The following TNS1 variants were observed in gnomAD, a reference collection of about 807,000 sequenced individuals.
TNS1 encodes tensin 1.
In TNS1, 62 loss-of-function variants were observed where a neutral mutation model predicts 168.6. The ratio of observed to expected loss-of-function variants is 0.37; its 90% confidence interval spans 0.30 to 0.45. The LOEUF (loss-of-function observed/expected upper bound fraction) is 0.45. Among genes scored for constraint, TNS1 ranks in the 20% least tolerant of loss-of-function variants. The probability of loss-of-function intolerance (pLI) is 1.00; values close to 1 mark genes in which losing one functional copy is unlikely to be tolerated. For synonymous variants in TNS1, 934 were observed against 933.2 expected (o/e 1.00, Z -0.02); for missense variants, 2,240 against 2,339.4 (o/e 0.96, Z 0.88).
Position 217,848,049 on chromosome 2 carries a change from C to G in TNS1, c.2468G>C (p.Arg823Pro). 6.5e-7 allele frequency: 1 copy of G among 1,528,606 alleles called. No homozygotes were observed. The allele number at this position is 1,528,606 out of a possible 1,614,324, so 94.7% of individuals were successfully genotyped here. Residue 823 changes from arginine to proline, a missense_variant, in exon 19 of 33, where the codon CGA becomes CCA. By Grantham distance (103) the Arg-to-Pro change is moderately radical. Transcript: ENST00000682258. ...TPIPSLPEFPRAASQQEIEQS... is the reference protein window; with the variant it reads ...TPIPSLPEFPPAASQQEIEQS... ...TTCAATCTCCTGCTGGGAGGCTGCT[C>G]GCGGGAACTCAGGGAGACTGGGGAT...
At chr2:218,014,917 A>AGGC (rs1958743577), upstream of TNS1, among the ~76,000 whole-genome samples, 1 of 76,590 alleles carries the variant, frequency 1.3e-5, no homozygotes. Flanking sequence ...GGAAGGAAGG[A>AGGC]AGGAAGGCAG....
intron 3 of TNS1, among the ~76,000 whole-genome samples, chr2:217,956,274 A>T (rs1212097728): frequency 6.6e-6 from 1 of 152,124 alleles, no homozygotes; most frequent in East Asian, 1.9e-4. Flanking sequence ...AAGTGCTGGG[A>T]CTACAGGCAT....
chr2:217,832,630 C>G (rs1403724847), intron 21 of TNS1, among the ~76,000 whole-genome samples: 1 of 152,206 alleles, frequency 6.6e-6, no homozygotes, highest in Non-Finnish European at 1.5e-5. Context: ...CTGCTTTCCC[C>G]AAAAGACAGT....
chr2:217,847,079 T>C (rs998724293), intron 19 of TNS1, among the ~76,000 whole-genome samples: 3 of 152,176 alleles, frequency 2.0e-5, no homozygotes, highest in African/African-American at 7.2e-5. Flanking sequence ...CGACAGGCAA[T>C]TGCAGAGTCT....
intron 3 of TNS1, among the ~76,000 whole-genome samples, chr2:217,947,647 G>A (rs942111708): frequency 1.3e-5 from 2 of 152,162 alleles, no homozygotes; most frequent in African/African-American, 4.8e-5. Flanking sequence ...GAAGAGAAGG[G>A]ACGCGACAGA....
chr2:217,855,959 A>C (rs934316148), intron 18 of TNS1, among the ~76,000 whole-genome samples: 1 of 152,142 alleles, frequency 6.6e-6, no homozygotes, highest in African/African-American at 2.4e-5. Flanking sequence ...GGCATCCCCT[A>C]CAGACCTCTC....
chr2:218,014,866 A>AGGAC (rs61462261), upstream of TNS1, among the ~76,000 whole-genome samples: 1 of 97,414 alleles, frequency 1.0e-5, no homozygotes, highest in Non-Finnish European at 2.2e-5. Context: ...GAGGGAAGGA[A>AGGAC]GGACGGAAGG....
rs1400400385 is a variant in TNS1, at chr2:217,810,317, G to C, written c.5035C>G (p.Pro1679Ala). The C allele has an allele frequency of 6.2e-7, 1 of 1,614,128 alleles. No individual in the cohort carries two copies. Among genetic ancestry groups the C allele is most frequent in the South Asian group, 1.1e-5 (1 of 91,070 alleles). ...GAGCTATCTTTCGATTCATCTGTGGGGTCTAAGACAAAAATTCAGTAGGAA... is the reference window on the plus strand; with the variant it reads ...GAGCTATCTTTCGATTCATCTGTGGCGTCTAAGACAAAAATTCAGTAGGAA... ...PCKLVIPNRD[P>A]TDESKDSSGP... The change falls in exon 29 of 33, where the codon CCC (proline) becomes GCC (alanine). Residue 1679 changes from proline to alanine, a missense_variant and splice_region_variant. This residue lies in a region of TNS1 where 2,131 missense variants were observed against 2,171.2 expected (regional missense o/e 0.98). Coordinates refer to ENST00000682258, the MANE Select transcript of TNS1 (RefSeq NM_001387777.1).
At chr2:217,996,623 C>T (rs1259018075) in intron 1 of TNS1, among the ~76,000 whole-genome samples, 3 of 152,104 alleles carry the variant, frequency 2.0e-5, no homozygotes, top group Non-Finnish European at 2.9e-5. Flanking sequence ...TAACCAGTTG[C>T]CAAATCCTGT....
chr2:217,933,042 C>T (rs1332327296), intron 3 of TNS1, among the ~76,000 whole-genome samples: 6 of 152,212 alleles, frequency 3.9e-5, no homozygotes, highest in East Asian at 3.9e-4. Context: ...GGCCGAGTGG[C>T]GGGAAGCCCC....
intron 4 of TNS1, among the ~76,000 whole-genome samples, chr2:217,917,619 G>A (rs906937391): frequency 1.3e-5 from 2 of 151,880 alleles, no homozygotes; most frequent in Admixed American, 1.3e-4. Context: ...ATCATTTGAG[G>A]TCAGGAGTTC....
intron 3 of TNS1, among the ~76,000 whole-genome samples, chr2:217,928,154 A>AAG (rs1291052528): frequency 1.3e-5 from 2 of 152,226 alleles, no homozygotes; most frequent in Non-Finnish European, 1.5e-5. Context: ...CTCAACAGAC[A>AAG]AGGAGCTGCA....
intron 1 of TNS1, among the ~76,000 whole-genome samples, chr2:218,027,068 G>T (rs1469857579): frequency 6.6e-6 from 1 of 151,694 alleles, no homozygotes; most frequent in African/African-American, 2.4e-5. Context: ...AGGGAGGAGA[G>T]ACTTTACGGC....
intron 5 of TNS1, among the ~76,000 whole-genome samples, 189 bp from the exon 6 acceptor site, chr2:217,906,574 C>T (rs1339306953): frequency 6.6e-6 from 1 of 152,216 alleles, no homozygotes; most frequent in Admixed American, 6.5e-5. Flanking sequence ...CTCTCCTTTA[C>T]AACTCACAGC....
In TNS1 at chr2:217,948,594, C is replaced by T. The variant is rs77269399; in HGVS notation, c.187-28358G>A. 3.6e-3 allele frequency among the ~76,000 whole-genome samples: 551 copies of T among 152,284 alleles called. 6 individuals are homozygous for T. The highest frequency in any genetic ancestry group is 0.013 in the African/African-American group (534 of 41,552). The stretch of plus-strand genomic sequence containing the variant: ...GTTCGGGCTGTCTCCCAGGGTGCTT[C>T]CATCTCAGGATCACCCCCTAGTGGG... On this transcript the variant is annotated intron_variant, in intron 3 of 32. Transcript: ENST00000682258. The surrounding 1 kb of genome is among the most constrained non-coding windows in gnomAD (Gnocchi z 4.1).
chr2:217,838,978 T>C (rs1179750446), intron 19 of TNS1, among the ~76,000 whole-genome samples: 1 of 126,742 alleles, frequency 7.9e-6, no homozygotes, highest in Non-Finnish European at 1.6e-5. Context: ...TTTGGCCCCA[T>C]TCTCTCTCTC....
chr2:218,027,037 C>T (rs1014637355), intron 1 of TNS1, among the ~76,000 whole-genome samples: 13 of 152,108 alleles, frequency 8.5e-5, no homozygotes, highest in Non-Finnish European at 1.8e-4. Flanking sequence ...GGAAGGGCAG[C>T]CGGCTTCTGG....
At position 218,032,553 on chromosome 2, in the gene TNS1, C is replaced by A. The variant is rs1015639610; in HGVS notation, c.156+1267G>T. Among the ~76,000 whole-genome samples, 10 of 152,134 alleles carry A rather than the reference C, an allele frequency of 6.6e-5. No homozygotes were observed. Among genetic ancestry groups the A allele is most frequent in the African/African-American group, 2.4e-4 (10 of 41,424 alleles). On this transcript the variant is annotated intron_variant, in intron 1 of 1. Transcript: ENST00000649572. The surrounding 1 kb of genome is among the most constrained non-coding windows in gnomAD (Gnocchi z 4.0). ...TCTGCAGCAGGACTGGCAGTGGGTG[C>A]GCCCTGGCAGGCAGCCCAGATGTCT...
rs548146755 is a variant in TNS1, at chr2:217,980,329, T to A, written c.149-1527A>T. Among the ~76,000 whole-genome samples, 6 of 152,120 alleles carry A rather than the reference T, an allele frequency of 3.9e-5. No homozygotes were observed. The East Asian group carries it at 1.2e-3, about 29-fold the overall frequency. ...TGGTCTTTCTGCTTCTCCCTCTCCC[T>A]CAGCACCACCACCAGCCCGGGTAGC... On this transcript the variant is annotated intron_variant, in intron 2 of 32. Transcript: ENST00000682258.
Sources: allele counts gnomAD v4.1 joint callset (sites outside exome capture counted in the v4.1 genomes callset), GRCh38; gene constraint gnomAD v4.1.1; regional missense constraint gnomAD v4.1.1; non-coding constraint Gnocchi (gnomAD v3.1); transcripts MANE v1.5; gene names NCBI Gene and HGNC (gene_info 2026-07-23, HGNC 2026-07-21).